LIMCH1: variants seen among roughly 807,000 people sequenced by gnomAD.
The protein encoded by LIMCH1 is LIM and calponin homology domains 1, also known as LIM and calponin homology domains-containing protein 1.
Under a neutral mutation model 176.5 loss-of-function variants are expected in LIMCH1, and 113 were observed. The observed-to-expected ratio is 0.64, with a 90% CI of 0.55 to 0.75. The LOEUF (loss-of-function observed/expected upper bound fraction) is 0.75. Among genes scored for constraint, LIMCH1 ranks in the 30% least tolerant of loss-of-function variants. LIMCH1 has a pLI of 0.00. For synonymous variants in LIMCH1, 619 were observed against 645.9 expected (o/e 0.96, Z 0.63); for missense variants, 1,674 against 1,814.9 (o/e 0.92, Z 1.41).
At chr4:41,494,386 T>A in intron 1 of LIMCH1, 1 of 525,684 alleles carries the variant, frequency 1.9e-6, no homozygotes, top group Non-Finnish European at 3.4e-6. Context: ...TACACATACA[T>A]ACATATACGT....
intron 21 of LIMCH1, among the ~76,000 whole-genome samples, chr4:41,667,765 T>C (rs1303898758): frequency 1.3e-5 from 2 of 152,120 alleles, no homozygotes; most frequent in African/African-American, 4.8e-5. Context: ...GTTCTGAGAA[T>C]TCCACAACCC....
At chr4:41,393,063 A>G (rs760116547) in intron 1 of LIMCH1, among the ~76,000 whole-genome samples, 2 of 152,110 alleles carry the variant, frequency 1.3e-5, no homozygotes, top group Non-Finnish European at 2.9e-5. Flanking sequence ...TATATCTTTT[A>G]TTTTTTGGTC....
At chr4:41,586,464 A>T (rs2086493009) in intron 1 of LIMCH1, among the ~76,000 whole-genome samples, 1 of 152,132 alleles carries the variant, frequency 6.6e-6, no homozygotes. Flanking sequence ...TACCAAACCC[A>T]TAGCAATCCA....
At chr4:41,558,202 C>T (rs760621923) in intron 1 of LIMCH1, among the ~76,000 whole-genome samples, 1 of 151,848 alleles carries the variant, frequency 6.6e-6, no homozygotes, top group Non-Finnish European at 1.5e-5. Flanking sequence ...ACTCTTGGAC[C>T]ATTTCACTCT....
chr4:41,551,387 AT>A (rs2080397299), intron 1 of LIMCH1: 1 of 152,226 alleles, frequency 6.6e-6, no homozygotes, highest in Non-Finnish European at 1.5e-5. Flanking sequence ...TCAGGACAAA[AT>A]AACACTGGTA....
intron 2 of LIMCH1, chr4:41,524,394 C>A (rs780170967): frequency 1.2e-6 from 2 of 1,609,726 alleles, no homozygotes; most frequent in Non-Finnish European, 1.7e-6. Context: ...TGACATTCTG[C>A]CTTTTTCATG....
At chr4:41,501,036 C>T (rs111358851) in intron 2 of LIMCH1, among the ~76,000 whole-genome samples, 28 of 152,194 alleles carry the variant, frequency 1.8e-4, no homozygotes, top group African/African-American at 2.6e-4. Flanking sequence ...AAAATCACCC[C>T]GGGAGATGAC....
At chr4:41,493,471 G>A (rs2071468439) in intron 1 of LIMCH1, among the ~76,000 whole-genome samples, 1 of 151,278 alleles carries the variant, frequency 6.6e-6, no homozygotes, top group African/African-American at 2.4e-5. Flanking sequence ...AAAAGCATCT[G>A]TTTTTGTTGT....
intron 1 of LIMCH1, among the ~76,000 whole-genome samples, chr4:41,557,214 G>C (rs904375075): frequency 3.3e-5 from 5 of 152,162 alleles, no homozygotes; most frequent in African/African-American, 7.2e-5. Context: ...TCAATACCAG[G>C]ATGGAGGAGT....
intron 1 of LIMCH1, among the ~76,000 whole-genome samples, chr4:41,484,407 A>C (rs2069167515): frequency 6.6e-6 from 1 of 152,226 alleles, no homozygotes; most frequent in Non-Finnish European, 1.5e-5. Flanking sequence ...GTGATCCATC[A>C]ATGTTTACAA....
At chr4:41,502,423 C>G (rs10428326) in intron 2 of LIMCH1, among the ~76,000 whole-genome samples, 3 of 152,184 alleles carry the variant, frequency 2.0e-5, no homozygotes, top group South Asian at 2.1e-4. Flanking sequence ...TGGGTATATA[C>G]CCAGTAATGG....
chr4:41,564,765 C>A (rs1246384903), intron 1 of LIMCH1, among the ~76,000 whole-genome samples: 1 of 152,186 alleles, frequency 6.6e-6, no homozygotes, highest in East Asian at 1.9e-4. Context: ...AATATCCCCA[C>A]ATGTCAAGGG....
chr4:41,504,203 C>G (rs2073844731), intron 2 of LIMCH1, among the ~76,000 whole-genome samples: 1 of 152,212 alleles, frequency 6.6e-6, no homozygotes, highest in Non-Finnish European at 1.5e-5. Context: ...CAGGGTCTGT[C>G]TCTGCATACT....
chr4:41,692,977 G>A (rs1343339502), intron 31 of LIMCH1: 1 of 152,250 alleles, frequency 6.6e-6, no homozygotes, highest in Non-Finnish European at 1.5e-5. Context: ...CTTAGTAAGT[G>A]AGAAGCCTGC....
intron 2 of LIMCH1, among the ~76,000 whole-genome samples, chr4:41,517,945 G>C (rs1236629745): frequency 6.6e-6 from 1 of 152,072 alleles, no homozygotes; most frequent in East Asian, 1.9e-4. Context: ...TGTGATCATA[G>C]TTGCCTATTG....
intron 1 of LIMCH1, among the ~76,000 whole-genome samples, chr4:41,387,592 C>G (rs1458675344): frequency 6.6e-6 from 1 of 152,186 alleles, no homozygotes; most frequent in African/African-American, 2.4e-5. Flanking sequence ...TTAACAGAGC[C>G]AAGGCAGCAG....
chr4:41,671,058 T>TA (rs76648075), intron 21 of LIMCH1: 34,795 of 608,892 alleles, frequency 0.057, 814 homozygotes, highest in African/African-American at 0.19. Flanking sequence ...CCCCTGCCTT[T>TA]AAAAAAAAAA....
chr4:41,530,040 A>G (rs1020386528), intron 3 of LIMCH1, among the ~76,000 whole-genome samples: 2 of 152,230 alleles, frequency 1.3e-5, no homozygotes, highest in East Asian at 1.9e-4. Context: ...GTAAGTTTCC[A>G]TAAGTTCTTT....
At chr4:41,548,661 A>G (rs1347072577) in intron 1 of LIMCH1, among the ~76,000 whole-genome samples, 4 of 152,198 alleles carry the variant, frequency 2.6e-5, no homozygotes, top group African/African-American at 4.8e-5. Context: ...TTCCAGATAT[A>G]TGTTCCAAAT....
Sources: gnomAD v4.1 joint callset for allele counts (sites outside exome capture counted in the v4.1 genomes callset) on GRCh38, gnomAD v4.1.1 for gene constraint, MANE v1.5 for transcripts, NCBI Gene and HGNC (gene_info 2026-07-23, HGNC 2026-07-21) for gene names.